Variants in LOX observed in about 807,000 individuals in gnomAD.
LOX encodes the protein lysyl oxidase.
In LOX, 12 loss-of-function variants were observed where a neutral mutation model predicts 50.5. The observed-to-expected ratio is 0.24, with a 90% CI of 0.15 to 0.38. The LOEUF is 0.38. Ranked by LOEUF, LOX falls within the 10% of genes least tolerant of loss-of-function variation. The pLI is 1.00. For missense variants in LOX, 504 were observed against 563.8 expected, an observed-to-expected ratio of 0.89 and a Z score of 1.07; for synonymous variants, 254 against 230.6, an observed-to-expected ratio of 1.10 and a Z score of -0.92.
chr5:122,066,930 T>G (rs528279331), intron 6 of LOX, among the ~76,000 whole-genome samples, 181 bp from the exon 7 acceptor site: 1 of 152,250 alleles, frequency 6.6e-6, no homozygotes, highest in South Asian at 2.1e-4. Context: ...TTGAAGAAAG[T>G]GACTATGTCA....
In LOX at chr5:122,074,133, G is replaced by T. The variant is rs111837818; in HGVS notation, c.915C>A (p.Asp305Glu). 1.2e-6 allele frequency: 2 copies of T among 1,614,108 alleles called. No homozygotes were observed. The highest frequency in any genetic ancestry group is 1.7e-5 in the Admixed American group (1 of 60,038). The stretch of plus-strand genomic sequence containing the variant: ...TCCTCTGGGTGTTGGCATCAAGCAG[G>T]TCATAGTGGCTAAACTCATCCATAC... The part of the protein sequence containing the change: ...YHSMDEFSHY[D>E]LLDANTQRRV... The change falls in exon 4 of 7, where the codon GAC (aspartate) becomes GAA (glutamate). Residue 305 changes from aspartate to glutamate, a missense_variant. Transcript: ENST00000231004.
chr5:122,077,780 C>A lies in LOX; in HGVS notation c.206G>T (p.Arg69Leu). Residue 69 changes from arginine to leucine, a missense_variant, in exon 1 of 7, where the codon CGC becomes CTC. Physicochemically the swap from Arg to Leu is moderately radical, Grantham distance 102. This residue lies in a region of LOX where 398 missense variants were observed against 365.8 expected (regional missense o/e 1.09). Coordinates refer to ENST00000231004, the MANE Select transcript of LOX (RefSeq NM_002317.7). The surrounding 1 kb of genome is among the most constrained non-coding windows in gnomAD (Gnocchi z 4.9). ...AGGGACGGCGGCGCCCGGGTCCCGG[C>A]GGCGCTGAGGCTGGTACTGTGAGCC... The part of the protein sequence containing the change: ...SLGSQYQPQR[R>L]RDPGAAVPGA... The A allele has an allele frequency of 1.3e-6, 2 of 1,548,436 alleles. No homozygotes were observed. Among genetic ancestry groups the A allele is most frequent in the Non-Finnish European group, 1.7e-6 (2 of 1,151,536 alleles).
At chr5:122,070,264 GAT>G (rs1754411899) in intron 5 of LOX, 96 bp from the exon 6 acceptor site, 1 of 762,450 alleles carries the variant, frequency 1.3e-6, no homozygotes, top group South Asian at 1.6e-5. Flanking sequence ...GCAGGGAAGG[GAT>G]TTTAACTTAA....
At position 122,070,431 on chromosome 5, in the gene LOX, T is replaced by C. The variant is rs41296581; in HGVS notation, c.1131+63A>G. 5.2e-3 allele frequency: 4,531 copies of C among 869,588 alleles called. 20 individuals are homozygous for C. Among genetic ancestry groups the C allele is most frequent in the Non-Finnish European group, 6.9e-3 (3,672 of 532,088 alleles). 53.9% of individuals were successfully genotyped at this position (869,588 alleles called of 1,614,324 possible). On this transcript the variant is annotated intron_variant, in intron 5 of 6. Transcript: ENST00000231004. ...ATACCATGATTATTTAACATTTGAA[T>C]CCAGAGAAGAGGGCCTATTGATCTG...
intron 3 of LOX, 192 bp downstream of exon 3, chr5:122,075,212 A>AT: frequency 2.0e-6 from 1 of 509,378 alleles, no homozygotes; most frequent in South Asian, 3.8e-5. Flanking sequence ...TGGGCTTCAG[A>AT]TTTTCCATTT....
At chr5:122,075,701 C>T in intron 2 of LOX, 160 bp from the exon 3 acceptor site, 1 of 469,316 alleles carries the variant, frequency 2.1e-6, no homozygotes, top group South Asian at 5.5e-5. Flanking sequence ...TTGTTCATTG[C>T]TGAATCCAAA....
chr5:122,077,263 C>T lies in LOX; in HGVS notation c.631+92G>A, dbSNP rs1161700898. 5.1e-6 allele frequency: 8 copies of T among 1,562,776 alleles called. No homozygotes were observed. The highest frequency in any genetic ancestry group is 1.4e-5 in the African/African-American group (1 of 73,924). On this transcript the variant is annotated intron_variant, in intron 1 of 6. Coordinates refer to ENST00000231004, the MANE Select transcript of LOX (RefSeq NM_002317.7). This position sits in a 1 kb window ranked among gnomAD's most constrained non-coding sequence, Gnocchi z 4.9. Reference sequence around the variant, plus strand: ...GGGGAGGGATCGGATCTGCGAGGACCGGGGCCCGCCGCGCCCAGGCAGCCA... The same window carrying T: ...GGGGAGGGATCGGATCTGCGAGGACTGGGGCCCGCCGCGCCCAGGCAGCCA...
chr5:122,074,739 T>C (rs977765793), intron 3 of LOX, among the ~76,000 whole-genome samples: 24 of 152,348 alleles, frequency 1.6e-4, no homozygotes, highest in Non-Finnish European at 2.5e-4. Context: ...TCTACTTTTG[T>C]TATTTCATTA....
In LOX at chr5:122,077,655, C is replaced by T. The variant is rs1275744013; in HGVS notation, c.331G>A (p.Gly111Arg). Residue 111 changes from glycine (G) to arginine (R), a missense_variant, in exon 1 of 7, where the codon GGA (glycine) becomes AGA (arginine). Coordinates refer to ENST00000231004, the MANE Select transcript of LOX (RefSeq NM_002317.7). This position sits in a 1 kb window ranked among gnomAD's most constrained non-coding sequence, Gnocchi z 4.9. Reference protein sequence around the residue: ...AARTRTAGSSGVTAGRPRPTA... With the variant: ...AARTRTAGSSRVTAGRPRPTA... The stretch of plus-strand genomic sequence containing the variant: ...GGCCTGGGGCGGCCAGCGGTGACTC[C>T]AGATGAGCCGGCCGTCCGCGTTCGC... The T allele has an allele frequency of 6.2e-7, 1 of 1,607,822 alleles. No individual in the cohort carries two copies. The highest frequency in any genetic ancestry group is 1.3e-5 in the African/African-American group (1 of 74,838).
At chr5:122,069,210 G>A (rs1176564772) in intron 6 of LOX, among the ~76,000 whole-genome samples, 1 of 152,100 alleles carries the variant, frequency 6.6e-6, no homozygotes, top group Non-Finnish European at 1.5e-5. Context: ...TGCTATACCT[G>A]TCTGTATGAT....
At chr5:122,069,930 C>G (rs764368995) in intron 6 of LOX, 123 bp downstream of exon 6, 6 of 778,008 alleles carry the variant, frequency 7.7e-6, no homozygotes, top group Non-Finnish European at 1.2e-5. Context: ...CCATTTTCTG[C>G]CTTTGGTCTG....
intron 6 of LOX, 76 bp from the exon 7 acceptor site, chr5:122,066,825 G>T: frequency 2.1e-6 from 2 of 948,308 alleles, no homozygotes; most frequent in Non-Finnish European, 3.4e-6. Context: ...CAAATTTAAA[G>T]TCAACCTTTT....
chr5:122,075,357 A>G, intron 3 of LOX, 47 bp downstream of exon 3: 1 of 1,519,748 alleles, frequency 6.6e-7, no homozygotes, highest in Non-Finnish European at 8.8e-7. Flanking sequence ...AAATCACCTG[A>G]GAAATGAAAA....
At chr5:122,067,803 C>T (rs564723323) in intron 6 of LOX, among the ~76,000 whole-genome samples, 1 of 152,168 alleles carries the variant, frequency 6.6e-6, no homozygotes, top group South Asian at 2.1e-4. Flanking sequence ...CGTTGACTTG[C>T]CCTGGGCTTC....
chr5:122,074,912 C>T (rs867377885), intron 3 of LOX, among the ~76,000 whole-genome samples: 1 of 152,116 alleles, frequency 6.6e-6, no homozygotes, highest in East Asian at 1.9e-4. Context: ...ATGCAAAAAT[C>T]CTTAAATTTA....
intron 2 of LOX, chr5:122,076,085 T>C (rs572747211): frequency 1.3e-5 from 2 of 152,346 alleles, no homozygotes; most frequent in African/African-American, 4.8e-5. Context: ...AAAAACATCA[T>C]AGGGAGTTCA....
chr5:122,078,045 G>A lies in LOX; in HGVS notation c.-60C>T. 7.1e-7 allele frequency: 1 copy of A among 1,405,032 alleles called. No individual in the cohort carries two copies. The highest frequency in any genetic ancestry group is 9.3e-7 in the Non-Finnish European group (1 of 1,076,852). The allele number at this position is 1,405,032 out of a possible 1,614,324, so 87.0% of individuals were successfully genotyped here. On this transcript the variant is annotated 5_prime_UTR_variant, in exon 1 of 7. Transcript: ENST00000231004. ...GACGTGGCTCACAGAAAATAAAAAC[G>A]GGGCTCAAATCACGTGAGGGAAGGA...
intron 4 of LOX, among the ~76,000 whole-genome samples, chr5:122,072,971 T>G (rs1754493625): frequency 6.6e-6 from 1 of 152,212 alleles, no homozygotes; most frequent in South Asian, 2.1e-4. Context: ...TGTGGGTAAG[T>G]TACATCTCCT....
At chr5:122,072,052 G>A (rs1754467392) in intron 4 of LOX, among the ~76,000 whole-genome samples, 2 of 152,148 alleles carry the variant, frequency 1.3e-5, no homozygotes, top group African/African-American at 4.8e-5. Flanking sequence ...ATACAATTCT[G>A]ATTCTGGCAT....
Sources: gnomAD v4.1 joint callset for allele counts (sites outside exome capture counted in the v4.1 genomes callset) on GRCh38, gnomAD v4.1.1 for gene constraint, gnomAD v4.1.1 regional missense constraint, Gnocchi (gnomAD v3.1) non-coding constraint, MANE v1.5 for transcripts, NCBI Gene and HGNC (gene_info 2026-07-23, HGNC 2026-07-21) for gene names.